Variants in PRR16 observed in about 807,000 individuals in gnomAD.
The protein encoded by PRR16 is proline rich 16, also known as protein Largen.
In PRR16, 6 loss-of-function variants were observed where a neutral mutation model predicts 18.2. That is an observed-to-expected ratio of 0.33 (90% CI 0.18 to 0.65). The LOEUF (loss-of-function observed/expected upper bound fraction) is 0.65, where lower values mean the gene tolerates loss of function less well. PRR16 is among the 30% of genes least tolerant of loss of function. The pLI, the probability that PRR16 is intolerant of heterozygous loss-of-function variation, is 0.74. For synonymous variants in PRR16, 151 were observed against 147.8 expected, an observed-to-expected ratio of 1.02 and a Z score of -0.16; for missense variants, 412 against 376.6, an observed-to-expected ratio of 1.09 and a Z score of -0.78.
chr5:120,486,915 A>G (rs1052884448), intron 1 of PRR16, among the ~76,000 whole-genome samples: 1 of 152,160 alleles, frequency 6.6e-6, no homozygotes, highest in Non-Finnish European at 1.5e-5. Flanking sequence ...TCCTTTCCCC[A>G]TTTCCTGTTT....
At chr5:120,582,085 GA>G (rs1753290698) in intron 1 of PRR16, among the ~76,000 whole-genome samples, 1 of 152,090 alleles carries the variant, frequency 6.6e-6, no homozygotes, top group Non-Finnish European at 1.5e-5. Context: ...ACTGGATAGA[GA>G]AAATGTGGTA....
intron 1 of PRR16, among the ~76,000 whole-genome samples, chr5:120,621,988 A>T (rs1019106010): frequency 6.6e-6 from 1 of 152,080 alleles, no homozygotes; most frequent in Admixed American, 6.6e-5. Context: ...CCTTTTTCAG[A>T]GGTGTCTTTG....
the PRR16 span, among the ~76,000 whole-genome samples, chr5:120,695,927 ATG>A: frequency 4.8e-5 from 2 of 41,826 alleles, no homozygotes; most frequent in Non-Finnish European, 9.3e-5. Context: ...CAACATATAT[ATG>A]TGTGTGTGTA....
At chr5:120,465,565 T>C (rs1345451168) in intron 1 of PRR16, 1 of 151,836 alleles carries the variant, frequency 6.6e-6, no homozygotes, top group Non-Finnish European at 1.5e-5. Context: ...GCTGCGTAAC[T>C]CAGGCGGCGG....
At chr5:120,584,201 G>A (rs1753364872) in intron 1 of PRR16, among the ~76,000 whole-genome samples, 1 of 152,208 alleles carries the variant, frequency 6.6e-6, no homozygotes, top group South Asian at 2.1e-4. Flanking sequence ...TACATGGTAA[G>A]TAGTATCTAG....
At chr5:120,518,040 G>A (rs1177533551) in intron 1 of PRR16, among the ~76,000 whole-genome samples, 2 of 152,178 alleles carry the variant, frequency 1.3e-5, no homozygotes, top group Non-Finnish European at 2.9e-5. Flanking sequence ...AGGATCTGGT[G>A]TTAAATTGTC....
At chr5:120,491,910 A>T (rs763901632) in intron 1 of PRR16, among the ~76,000 whole-genome samples, 1 of 152,120 alleles carries the variant, frequency 6.6e-6, no homozygotes, top group Non-Finnish European at 1.5e-5. Context: ...TAAGGAAATT[A>T]TGTCACTTCC....
chr5:120,686,418 T>G lies in PRR16; in HGVS notation c.624T>G (p.Asn208Lys). 1 of 1,614,096 alleles carries G rather than the reference T, an allele frequency of 6.2e-7. No homozygotes were observed. Among genetic ancestry groups the G allele is most frequent in the African/African-American group, 1.3e-5 (1 of 75,022 alleles). ...GGCCTCGAGAACGAGTTCGGTTTAA[T>G]GAAAAAGTACAGTACCATGGCTATT... The part of the protein sequence containing the change: ...QAGPRERVRF[N>K]EKVQYHGYCP... Residue 208 changes from asparagine (N) to lysine (K), a missense_variant, in exon 2 of 2, where the codon AAT (asparagine) becomes AAG (lysine). Transcript: ENST00000407149.
At chr5:120,540,732 C>T (rs956587892) in intron 1 of PRR16, among the ~76,000 whole-genome samples, 6 of 152,148 alleles carry the variant, frequency 3.9e-5, no homozygotes, top group Admixed American at 3.9e-4. Flanking sequence ...TCACCAAGGT[C>T]TGATTGCAAA....
chr5:120,717,126 A>T, the PRR16 span, among the ~76,000 whole-genome samples: 3,134 of 152,302 alleles, frequency 0.021, 100 homozygotes, highest in African/African-American at 0.072. Context: ...TGTGATGAAC[A>T]TATTACTAAA....
intron 1 of PRR16, among the ~76,000 whole-genome samples, chr5:120,513,647 G>GT (rs538609716): frequency 6.6e-6 from 1 of 150,864 alleles, no homozygotes; most frequent in Non-Finnish European, 1.5e-5. Context: ...ACATCTCTGT[G>GT]TTTTTTTCAT....
chr5:120,616,029 GA>G (rs1247005270), intron 1 of PRR16, among the ~76,000 whole-genome samples: 1 of 152,130 alleles, frequency 6.6e-6, no homozygotes, highest in African/African-American at 2.4e-5. Context: ...AAGAAGCTGA[GA>G]ATAACGTGCC....
At chr5:120,772,106 A>C in the PRR16 span, among the ~76,000 whole-genome samples, 1 of 152,134 alleles carries the variant, frequency 6.6e-6, no homozygotes, top group Non-Finnish European at 1.5e-5. Flanking sequence ...AAGCATAGGA[A>C]TATCATGTAC....
intron 1 of PRR16, among the ~76,000 whole-genome samples, chr5:120,625,335 G>T (rs568359935): frequency 5.3e-5 from 8 of 152,006 alleles, no homozygotes; most frequent in Non-Finnish European, 8.8e-5. Context: ...TTTTTAGTTT[G>T]TTTTATTTTT....
chr5:120,747,190 TAC>T, the PRR16 span, among the ~76,000 whole-genome samples: 1 of 152,252 alleles, frequency 6.6e-6, no homozygotes, highest in East Asian at 1.9e-4. Flanking sequence ...CCAAAGGACA[TAC>T]AGATTTATGC....
downstream of PRR16, among the ~76,000 whole-genome samples, chr5:120,691,954 G>A (rs1757214557): frequency 2.0e-5 from 3 of 152,086 alleles, no homozygotes; most frequent in Admixed American, 2.0e-4. Flanking sequence ...CCAATATCTT[G>A]GACACAATTA....
chr5:120,759,256 G>A, the PRR16 span, among the ~76,000 whole-genome samples: 739 of 152,054 alleles, frequency 4.9e-3, 4 homozygotes, highest in Admixed American at 6.9e-3. Flanking sequence ...GATTACAGGC[G>A]TGAGCCACCA....
the PRR16 span, among the ~76,000 whole-genome samples, chr5:120,710,118 C>A: frequency 2.0e-5 from 3 of 152,160 alleles, no homozygotes; most frequent in East Asian, 5.8e-4. Context: ...CCCCTTTTTC[C>A]GTATCCTTGC....
chr5:120,635,866 AAC>A (rs1400411438), intron 1 of PRR16, among the ~76,000 whole-genome samples: 1 of 152,098 alleles, frequency 6.6e-6, no homozygotes, highest in Non-Finnish European at 1.5e-5. Context: ...ATACCTAGAA[AAC>A]ACTAAAGACT....
Sources: allele counts gnomAD v4.1 joint callset (sites outside exome capture counted in the v4.1 genomes callset), GRCh38; gene constraint gnomAD v4.1.1; transcripts MANE v1.5; gene names NCBI Gene and HGNC (gene_info 2026-07-23, HGNC 2026-07-21).